TNFAIP8L3: variants seen among roughly 807,000 people sequenced by gnomAD.
TNFAIP8L3 encodes the protein TNF alpha induced protein 8 like 3, also known as tumor necrosis factor alpha-induced protein 8-like protein 3.
Under a neutral mutation model 11.8 loss-of-function variants are expected in TNFAIP8L3, and 7 were observed. The ratio of observed to expected loss-of-function variants is 0.59; its 90% CI spans 0.34 to 1.11. The LOEUF is 1.11. Among genes scored for constraint, TNFAIP8L3 ranks in the 50% most tolerant of loss-of-function variants. TNFAIP8L3 has a pLI of 0.03. For missense variants in TNFAIP8L3, 219 were observed against 258.6 expected (o/e 0.85, Z 1.05); for synonymous variants, 98 against 103.8 (o/e 0.94, Z 0.34).
chr15:51,073,724 C>T (rs569696723), intron 1 of TNFAIP8L3, among the ~76,000 whole-genome samples: 1 of 152,216 alleles, frequency 6.6e-6, no homozygotes, highest in South Asian at 2.1e-4. Context: ...AATAGCATTA[C>T]ATGGCATCCT....
At chr15:51,069,362 A>G (rs1307749916) in intron 1 of TNFAIP8L3, 2 of 152,244 alleles carry the variant, frequency 1.3e-5, no homozygotes, top group South Asian at 2.1e-4. Context: ...GGTGCTGAAT[A>G]AGAACATACA....
At chr15:51,087,037 C>T (rs941017139) in intron 1 of TNFAIP8L3, among the ~76,000 whole-genome samples, 1 of 152,078 alleles carries the variant, frequency 6.6e-6, no homozygotes, top group Non-Finnish European at 1.5e-5. Context: ...TGCAGGCATG[C>T]ACCACCATGC....
Position 51,105,163 on chromosome 15 carries a change from C to T in TNFAIP8L3, c.14G>A (p.Arg5Gln), listed in dbSNP as rs199837887. Residue 5 changes from arginine (R) to glutamine (Q), a missense_variant, in exon 1 of 3, where the codon CGG (arginine) becomes CAG (glutamine). By Grantham distance (43) the Arg-to-Gln change is conservative. Coordinates refer to the TNFAIP8L3 transcript ENST00000327536. The stretch of plus-strand genomic sequence containing the variant: ...GGAAACCAGTGTGCTTGGGTTTTGC[C>T]GTGGTTTCCCCATTTGGACTCAGGT... 137 of 1,613,626 alleles carry T rather than the reference C, an allele frequency of 8.5e-5. No homozygotes were observed. The highest frequency in any genetic ancestry group is 2.9e-4 in the East Asian group (13 of 44,878).
At chr15:51,091,266 C>T (rs2065467487) in intron 1 of TNFAIP8L3, among the ~76,000 whole-genome samples, 1 of 152,224 alleles carries the variant, frequency 6.6e-6, no homozygotes, top group South Asian at 2.1e-4. Flanking sequence ...CAGCGTGTTG[C>T]TCTATGAGAG....
chr15:51,061,199 C>A (rs527531923), intron 1 of TNFAIP8L3, among the ~76,000 whole-genome samples: 1 of 152,286 alleles, frequency 6.6e-6, no homozygotes, highest in Non-Finnish European at 1.5e-5. Context: ...ATGGGGGTCT[C>A]ACTATGGTGG....
chr15:51,074,858 G>A (rs1303316538), intron 1 of TNFAIP8L3, among the ~76,000 whole-genome samples: 5 of 152,094 alleles, frequency 3.3e-5, no homozygotes, highest in African/African-American at 1.2e-4. Context: ...ATGAGCCCCT[G>A]GCCAACCCTT....
At chr15:51,087,536 C>G (rs1477680961) in intron 1 of TNFAIP8L3, among the ~76,000 whole-genome samples, 1 of 152,140 alleles carries the variant, frequency 6.6e-6, no homozygotes, top group African/African-American at 2.4e-5. Flanking sequence ...CTTTCATGGC[C>G]AGAATATTTT....
chr15:51,100,201 C>G (rs1164874481), intron 1 of TNFAIP8L3, among the ~76,000 whole-genome samples: 3 of 152,168 alleles, frequency 2.0e-5, no homozygotes, highest in Non-Finnish European at 2.9e-5. Flanking sequence ...GTGACTGTCA[C>G]AGATACCATA....
chr15:51,105,251 C>T, exon 1 of TNFAIP8L3: 1 of 1,508,154 alleles, frequency 6.6e-7, no homozygotes, highest in Non-Finnish European at 9.0e-7. Context: ...GGTCGTTTCC[C>T]ATTACTTGAG....
At chr15:51,063,211 C>T (rs1441758863) in intron 1 of TNFAIP8L3, among the ~76,000 whole-genome samples, 1 of 152,170 alleles carries the variant, frequency 6.6e-6, no homozygotes, top group Non-Finnish European at 1.5e-5. Flanking sequence ...TAATTTGTTA[C>T]AGCAGCAATA....
rs756865339 is a variant in TNFAIP8L3 at position 51,058,378 on chromosome 15, C to G, written c.118G>C (p.Ala40Pro). Residue 40 changes from alanine to proline, a missense_variant, in exon 2 of 2, where the codon GCC becomes CCC. Physicochemically the swap from Ala to Pro is conservative, Grantham distance 27. Coordinates refer to ENST00000637513, the MANE Select transcript of TNFAIP8L3 (RefSeq NM_001311175.2). Reference protein sequence around the residue: ...QAQKKILSKIASKTVANMLID... With the variant: ...QAQKKILSKIPSKTVANMLID... ...AACATGTTGGCCACAGTTTTGCTGG[C>G]TATTTTGCTCAGAATCTTCTTCTGG... 2 of 1,613,684 alleles carry G rather than the reference C, an allele frequency of 1.2e-6. No individual in the cohort carries two copies. The highest frequency in any genetic ancestry group is 1.7e-6 in the Non-Finnish European group (2 of 1,179,966).
chr15:51,076,474 C>T (rs183975104), intron 1 of TNFAIP8L3, among the ~76,000 whole-genome samples: 91 of 152,316 alleles, frequency 6.0e-4, no homozygotes, highest in African/African-American at 2.1e-3. Flanking sequence ...AACTCTAAGG[C>T]CACAAATGGC....
chr15:51,082,201 A>G (rs1346754313), intron 1 of TNFAIP8L3, among the ~76,000 whole-genome samples: 3 of 152,174 alleles, frequency 2.0e-5, no homozygotes, highest in African/African-American at 4.8e-5. Flanking sequence ...ATACAAACCT[A>G]GATGGTCAAG....
chr15:51,068,176 T>G (rs758575314), intron 1 of TNFAIP8L3, among the ~76,000 whole-genome samples: 4 of 152,306 alleles, frequency 2.6e-5, no homozygotes, highest in South Asian at 2.1e-4. Context: ...CATGGGTGAT[T>G]GCTGGGGTTC....
At chr15:51,085,486 A>G (rs992153706) in intron 1 of TNFAIP8L3, among the ~76,000 whole-genome samples, 22 of 152,204 alleles carry the variant, frequency 1.4e-4, no homozygotes, top group Non-Finnish European at 2.9e-5. Context: ...CCTGTGGCAA[A>G]TGGGCCCAGG....
At chr15:51,081,040 T>C (rs1421061686) in intron 1 of TNFAIP8L3, among the ~76,000 whole-genome samples, 1 of 152,242 alleles carries the variant, frequency 6.6e-6, no homozygotes, top group Non-Finnish European at 1.5e-5. Context: ...CCTGTTTTTT[T>C]TCTCTCTGGA....
chr15:51,072,320 A>C (rs1289654268), intron 1 of TNFAIP8L3, among the ~76,000 whole-genome samples: 1 of 152,078 alleles, frequency 6.6e-6, no homozygotes, highest in African/African-American at 2.4e-5. Flanking sequence ...TTGTATTTTT[A>C]GTACAGATGG....
At chr15:51,085,102 G>C (rs976911819) in intron 1 of TNFAIP8L3, among the ~76,000 whole-genome samples, 2 of 152,062 alleles carry the variant, frequency 1.3e-5, no homozygotes, top group Admixed American at 6.5e-5. Context: ...AGCTCTGCCT[G>C]CGTTGTTTGA....
chr15:51,102,474 A>G (rs2065561186), intron 1 of TNFAIP8L3, among the ~76,000 whole-genome samples: 1 of 152,158 alleles, frequency 6.6e-6, no homozygotes, highest in Admixed American at 6.5e-5. Flanking sequence ...CCTTCAAAGC[A>G]TTTTCTACTT....
Sources: allele counts gnomAD v4.1 joint callset (sites outside exome capture counted in the v4.1 genomes callset), GRCh38; gene constraint gnomAD v4.1.1; transcripts MANE v1.5; gene names NCBI Gene and HGNC (gene_info 2026-07-23, HGNC 2026-07-21).